Variants in CCDC91 observed in about 807,000 individuals in gnomAD.
CCDC91 encodes coiled-coil domain-containing protein 91.
Under a neutral mutation model 63.2 loss-of-function variants are expected in CCDC91, and 48 were observed. The ratio of observed to expected loss-of-function variants is 0.76; its 90% CI spans 0.60 to 0.97. The LOEUF (loss-of-function observed/expected upper bound fraction) is 0.97, where lower values mean the gene tolerates loss of function less well. CCDC91 is among the 50% of genes least tolerant of loss of function. The pLI is 0.00. For missense variants in CCDC91, 500 were observed against 494.6 expected (o/e 1.01, Z -0.10); for synonymous variants, 167 against 165.8 (o/e 1.01, Z -0.06).
intron 2 of CCDC91, among the ~76,000 whole-genome samples, chr12:28,258,737 TA>T (rs1946619894): frequency 6.6e-6 from 1 of 152,042 alleles, no homozygotes. Flanking sequence ...ATTCTGGCTC[TA>T]ATTTTTAGTA....
chr12:28,300,926 A>G (rs1482819911), intron 3 of CCDC91, among the ~76,000 whole-genome samples: 2 of 151,734 alleles, frequency 1.3e-5, no homozygotes, highest in South Asian at 2.1e-4. Context: ...CATATGAATT[A>G]TATTGGTTTC....
chr12:28,243,944 CA>C (rs1389883801), intron 1 of CCDC91, among the ~76,000 whole-genome samples: 7 of 152,132 alleles, frequency 4.6e-5, no homozygotes, highest in Non-Finnish European at 1.0e-4. Flanking sequence ...TCCTGACATC[CA>C]AATCAAATGA....
chr12:28,325,363 T>A (rs1940890759), intron 6 of CCDC91, among the ~76,000 whole-genome samples: 1 of 152,054 alleles, frequency 6.6e-6, no homozygotes, highest in Admixed American at 6.6e-5. Flanking sequence ...CTAACAAAAA[T>A]TTTAAAAGAT....
At chr12:28,309,273 T>C (rs1394702327) in intron 6 of CCDC91, among the ~76,000 whole-genome samples, 1 of 152,092 alleles carries the variant, frequency 6.6e-6, no homozygotes, top group Admixed American at 6.6e-5. Context: ...TTTGACTCAC[T>C]GTTTATTCTT....
At chr12:28,238,781 A>C (rs528362093) in intron 1 of CCDC91, among the ~76,000 whole-genome samples, 1 of 152,238 alleles carries the variant, frequency 6.6e-6, no homozygotes, top group East Asian at 1.9e-4. Context: ...ACTTGGTGGG[A>C]TTTGCATGGG....
chr12:28,275,568 C>G (rs965666576), intron 3 of CCDC91, among the ~76,000 whole-genome samples: 15 of 152,282 alleles, frequency 9.9e-5, no homozygotes, highest in African/African-American at 3.6e-4. Context: ...ACCATTCCTT[C>G]TGAAACTATT....
At chr12:28,376,835 A>G (rs1425246446) in intron 7 of CCDC91, among the ~76,000 whole-genome samples, 1 of 151,838 alleles carries the variant, frequency 6.6e-6, no homozygotes, top group Non-Finnish European at 1.5e-5. Context: ...TGCATCCTAA[A>G]TAACATTTGG....
At chr12:28,467,474 T>C (rs1012117619) in intron 11 of CCDC91, among the ~76,000 whole-genome samples, 3 of 151,672 alleles carry the variant, frequency 2.0e-5, no homozygotes, top group African/African-American at 7.3e-5. Context: ...ATATTAGAGC[T>C]AAAGAGAGAG....
chr12:28,238,571 G>A (rs112811644), intron 1 of CCDC91, among the ~76,000 whole-genome samples: 2,355 of 152,224 alleles, frequency 0.015, 63 homozygotes, highest in African/African-American at 0.054. Context: ...CTTACTCTTT[G>A]AAATCTAGCT....
intron 1 of CCDC91, among the ~76,000 whole-genome samples, chr12:28,241,206 GTCTC>G (rs1172993541): frequency 6.6e-6 from 1 of 152,040 alleles, no homozygotes; most frequent in Non-Finnish European, 1.5e-5. Flanking sequence ...TTTGGTGAAT[GTCTC>G]TATCTTTTGT....
intron 1 of CCDC91, among the ~76,000 whole-genome samples, chr12:28,212,167 G>A (rs1407865366): frequency 6.6e-6 from 1 of 152,154 alleles, no homozygotes; most frequent in South Asian, 2.1e-4. Flanking sequence ...GCTCCTGGGG[G>A]TCGTTAGAAG....
chr12:28,541,671 C>T (rs1175491835), intron 12 of CCDC91, among the ~76,000 whole-genome samples: 4 of 151,546 alleles, frequency 2.6e-5, no homozygotes, highest in African/African-American at 9.7e-5. Flanking sequence ...GACTATCCAA[C>T]AGATTGTAAT....
At chr12:28,253,718 TTG>T in intron 1 of CCDC91, among the ~76,000 whole-genome samples, 1 of 152,340 alleles carries the variant, frequency 6.6e-6, no homozygotes, top group Middle Eastern at 3.4e-3. Context: ...AAAGAAATCT[TTG>T]TATTCTTACA....
intron 1 of CCDC91, among the ~76,000 whole-genome samples, chr12:28,200,849 G>T (rs201349622): frequency 6.6e-6 from 1 of 150,804 alleles, no homozygotes; most frequent in Non-Finnish European, 1.5e-5. Flanking sequence ...CAGTAGGGGC[G>T]GCTGGGCAGA....
intron 8 of CCDC91, among the ~76,000 whole-genome samples, chr12:28,413,649 C>G (rs1338160202): frequency 1.3e-5 from 2 of 152,180 alleles, no homozygotes; most frequent in Admixed American, 6.6e-5. Context: ...TGTTCTTCCT[C>G]TTTCTTAGTA....
At chr12:28,507,604 A>G (rs1195564341) in intron 12 of CCDC91, among the ~76,000 whole-genome samples, 1 of 151,932 alleles carries the variant, frequency 6.6e-6, no homozygotes, top group African/African-American at 2.4e-5. Flanking sequence ...TTCTAAATTC[A>G]TCTTTGGAGA....
At chr12:28,193,037 C>A (rs1439394685) in intron 1 of CCDC91, among the ~76,000 whole-genome samples, 1 of 152,118 alleles carries the variant, frequency 6.6e-6, no homozygotes, top group Non-Finnish European at 1.5e-5. Flanking sequence ...TCACTTAATG[C>A]TTTGATTCAT....
chr12:28,439,712 T>G (rs1032904482), intron 8 of CCDC91, among the ~76,000 whole-genome samples: 21 of 143,066 alleles, frequency 1.5e-4, no homozygotes, highest in Non-Finnish European at 2.6e-4. Context: ...AAAGAAGAGG[T>G]TTTTTTTTTC....
chr12:28,401,365 C>T (rs1946611878), intron 8 of CCDC91, among the ~76,000 whole-genome samples: 1 of 152,122 alleles, frequency 6.6e-6, no homozygotes, highest in Non-Finnish European at 1.5e-5. Context: ...TGAGAACTCC[C>T]TATCACAAGA....
Sources: gnomAD v4.1 joint callset for allele counts (sites outside exome capture counted in the v4.1 genomes callset) on GRCh38, gnomAD v4.1.1 for gene constraint, MANE v1.5 for transcripts, NCBI Gene and HGNC (gene_info 2026-07-23, HGNC 2026-07-21) for gene names.